The following EYS variants were observed in gnomAD, a reference collection of about 807,000 sequenced individuals.
EYS encodes protein eyes shut homolog.
In EYS, 250 loss-of-function variants were observed where a neutral mutation model predicts 282.1. The ratio of observed to expected loss-of-function variants is 0.89; its 90% CI spans 0.80 to 0.98. The LOEUF is 0.98. EYS is among the 50% of genes least tolerant of loss of function. EYS has a pLI of 0.00. For missense variants in EYS, 4,016 were observed against 3,709.0 expected (o/e 1.08, Z -2.15); for synonymous variants, 1,355 against 1,282.9 (o/e 1.06, Z -1.20).
intron 36 of EYS, among the ~76,000 whole-genome samples, chr6:63,854,045 G>A (rs2149704749): frequency 6.6e-6 from 1 of 152,294 alleles, no homozygotes; most frequent in Middle Eastern, 3.4e-3. Context: ...AGACAGTGTG[G>A]TGATTCCTCA....
At chr6:64,156,373 C>T (rs1774922979) in intron 31 of EYS, among the ~76,000 whole-genome samples, 1 of 151,704 alleles carries the variant, frequency 6.6e-6, no homozygotes, top group Non-Finnish European at 1.5e-5. Context: ...ACTGTAAGTC[C>T]AATTAAACCT....
At chr6:64,743,485 T>C (rs1282916218) in intron 22 of EYS, among the ~76,000 whole-genome samples, 1 of 152,168 alleles carries the variant, frequency 6.6e-6, no homozygotes, top group Non-Finnish European at 1.5e-5. Context: ...TTTTTTCTAA[T>C]GGTAAAGAGC....
intron 31 of EYS, among the ~76,000 whole-genome samples, chr6:64,175,140 CT>C (rs1764588577): frequency 6.6e-6 from 1 of 152,090 alleles, no homozygotes; most frequent in Non-Finnish European, 1.5e-5. Context: ...TAAGTATCTT[CT>C]CTTTAGGCTT....
chr6:63,823,857 TC>T (rs1385106835), intron 36 of EYS, among the ~76,000 whole-genome samples: 1 of 152,238 alleles, frequency 6.6e-6, no homozygotes, highest in African/African-American at 2.4e-5. Context: ...GCATTATTGT[TC>T]TTTTTTTCTA....
chr6:65,295,510 C>T (rs1044312022), intron 12 of EYS, among the ~76,000 whole-genome samples: 9 of 151,830 alleles, frequency 5.9e-5, no homozygotes, highest in African/African-American at 2.2e-4. Context: ...CTTATGCAGC[C>T]AAACAAAAGG....
chr6:65,394,261 G>A (rs6455042), intron 7 of EYS, among the ~76,000 whole-genome samples: 142,145 of 152,126 alleles, frequency 0.93, 66,617 homozygotes, highest in East Asian at 1. Flanking sequence ...CAAAATGGCA[G>A]TATTAATAAT....
chr6:64,724,407 T>C (rs1177967466), intron 22 of EYS, among the ~76,000 whole-genome samples: 2 of 152,226 alleles, frequency 1.3e-5, no homozygotes, highest in Non-Finnish European at 2.9e-5. Flanking sequence ...AGATTTTTAA[T>C]GTTAAGCAAA....
At chr6:64,150,949 A>G (rs1194133424) in intron 31 of EYS, among the ~76,000 whole-genome samples, 1 of 152,176 alleles carries the variant, frequency 6.6e-6, no homozygotes, top group Admixed American at 6.6e-5. Context: ...TAGGAATACC[A>G]ATTGGCGCAA....
intron 13 of EYS, among the ~76,000 whole-genome samples, chr6:65,005,252 T>C (rs1454929517): frequency 6.8e-6 from 1 of 148,046 alleles, no homozygotes; most frequent in African/African-American, 2.4e-5. Context: ...CCATTGTTCC[T>C]GCACGGCTAA....
At chr6:65,631,476 A>G (rs767997663) in intron 2 of EYS, among the ~76,000 whole-genome samples, 14 of 65,022 alleles carry the variant, frequency 2.2e-4, no homozygotes, top group Non-Finnish European at 3.2e-4. Flanking sequence ...ACATGAATGG[A>G]AAAAAAAAAA....
At chr6:63,825,431 G>T (rs529660420) in intron 36 of EYS, among the ~76,000 whole-genome samples, 9 of 152,288 alleles carry the variant, frequency 5.9e-5, no homozygotes, top group African/African-American at 2.2e-4. Flanking sequence ...TGGGCAAGAG[G>T]CCAAGCAGCA....
chr6:65,648,990 CA>C (rs1268353400), intron 1 of EYS, among the ~76,000 whole-genome samples: 2 of 151,478 alleles, frequency 1.3e-5, no homozygotes, highest in African/African-American at 4.8e-5. Flanking sequence ...ACTAAAAATA[CA>C]AAAAATTAGC....
intron 2 of EYS, among the ~76,000 whole-genome samples, chr6:65,541,847 G>A (rs555827604): frequency 2.3e-4 from 35 of 152,132 alleles, no homozygotes; most frequent in African/African-American, 7.9e-4. Flanking sequence ...AATGCCTACA[G>A]AACATTTAAG....
At chr6:64,109,262 TTTTG>T (rs1773130495) in intron 31 of EYS, among the ~76,000 whole-genome samples, 1 of 152,092 alleles carries the variant, frequency 6.6e-6, no homozygotes, top group South Asian at 2.1e-4. Context: ...TTTTAAACAT[TTTTG>T]TTTTTCCTCA....
At chr6:63,919,623 G>A (rs892470390) in intron 35 of EYS, among the ~76,000 whole-genome samples, 6 of 152,192 alleles carry the variant, frequency 3.9e-5, no homozygotes, top group Admixed American at 1.3e-4. Flanking sequence ...CTGGGGGAAG[G>A]TTTGGCAATC....
intron 12 of EYS, among the ~76,000 whole-genome samples, chr6:65,223,310 T>C (rs1374943455): frequency 6.6e-6 from 1 of 152,098 alleles, no homozygotes; most frequent in Non-Finnish European, 1.5e-5. Flanking sequence ...GAGTTTGCAG[T>C]GAGCCGAGAT....
intron 26 of EYS, among the ~76,000 whole-genome samples, chr6:64,512,387 C>A (rs1259580297): frequency 6.6e-6 from 1 of 151,964 alleles, no homozygotes; most frequent in Non-Finnish European, 1.5e-5. Flanking sequence ...GCAATAAATA[C>A]TGCAGTAGGG....
chr6:64,555,966 A>T (rs979518580), intron 26 of EYS, among the ~76,000 whole-genome samples: 7 of 152,020 alleles, frequency 4.6e-5, no homozygotes, highest in Non-Finnish European at 5.9e-5. Flanking sequence ...GCAAAAATTA[A>T]AAGAACAAAA....
At chr6:65,244,847 A>G (rs1056790005) in intron 12 of EYS, among the ~76,000 whole-genome samples, 1 of 152,006 alleles carries the variant, frequency 6.6e-6, no homozygotes, top group African/African-American at 2.4e-5. Context: ...CATGGCATCT[A>G]TCTTTCACCA....
Sources: gnomAD v4.1 joint callset for allele counts (sites outside exome capture counted in the v4.1 genomes callset) on GRCh38, gnomAD v4.1.1 for gene constraint, MANE v1.5 for transcripts, NCBI Gene and HGNC (gene_info 2026-07-23, HGNC 2026-07-21) for gene names.